The following TMC2 variants were observed in gnomAD, a reference collection of about 807,000 sequenced individuals.
The protein encoded by TMC2 is transmembrane channel like 2.
A neutral mutation model predicts 105.9 loss-of-function variants in TMC2; 102 were observed. The ratio of observed to expected loss-of-function variants is 0.96; its 90% CI spans 0.82 to 1.14. The LOEUF (loss-of-function observed/expected upper bound fraction) is 1.14. Among genes scored for constraint, TMC2 ranks in the 50% most tolerant of loss-of-function variants. TMC2 has a pLI of 0.00. For missense variants in TMC2, 1,093 were observed against 1,134.3 expected (o/e 0.96, Z 0.52); for synonymous variants, 402 against 422.8 (o/e 0.95, Z 0.60).
At chr20:2,587,247 T>C (rs2086237696) in intron 7 of TMC2, among the ~76,000 whole-genome samples, 1 of 152,192 alleles carries the variant, frequency 6.6e-6, no homozygotes, top group Admixed American at 6.5e-5. Flanking sequence ...TATTTTTGTT[T>C]TATATATGTT....
intron 12 of TMC2, among the ~76,000 whole-genome samples, 177 bp downstream of exon 12, chr20:2,610,775 C>T (rs931772405): frequency 1.3e-4 from 19 of 151,518 alleles, no homozygotes; most frequent in Non-Finnish European, 4.4e-5. Flanking sequence ...CCATTGTTAA[C>T]CTTTTCCTAT....
At position 2,596,956 on chromosome 20, in the gene TMC2, T is replaced by C. The variant is rs183190412; in HGVS notation, c.1077-195T>C. Among the ~76,000 whole-genome samples, 3 of 152,256 alleles carry C rather than the reference T, an allele frequency of 2.0e-5. No homozygotes were observed. In the South Asian group the frequency reaches 6.2e-4, roughly 31 times the overall value. ...TACCATGTGTGCTTTCAGGGGACTC[T>C]GAATTTGGGGGGAAGGGTGTCCTGG... On this transcript the variant is annotated intron_variant, in intron 9 of 19. Coordinates refer to ENST00000358864, the MANE Select transcript of TMC2 (RefSeq NM_080751.3).
chr20:2,640,822 G>T (rs1244514252), intron 19 of TMC2, among the ~76,000 whole-genome samples: 2 of 152,006 alleles, frequency 1.3e-5, no homozygotes, highest in Admixed American at 6.6e-5. Context: ...TTTTGACCCC[G>T]GCAGTCACCC....
intron 2 of TMC2, among the ~76,000 whole-genome samples, chr20:2,554,646 A>T (rs1262510551): frequency 6.6e-6 from 1 of 152,180 alleles, no homozygotes; most frequent in East Asian, 1.9e-4. Flanking sequence ...TTTCATTTAA[A>T]TGTAGTCCAA....
chr20:2,614,817 A>G (rs2086468189), intron 14 of TMC2, among the ~76,000 whole-genome samples: 1 of 151,836 alleles, frequency 6.6e-6, no homozygotes, highest in Non-Finnish European at 1.5e-5. Context: ...ATATATATAA[A>G]TTATATAAAA....
At position 2,627,834 on chromosome 20, in the gene TMC2, A is replaced by G. The variant is rs892999542; in HGVS notation, c.2306+3438A>G. Among the ~76,000 whole-genome samples, 50 of 152,300 alleles carry G rather than the reference A, an allele frequency of 3.3e-4. 1 individual carries two copies. The highest frequency in any genetic ancestry group is 1.1e-3 in the African/African-American group (45 of 41,550). The stretch of plus-strand genomic sequence containing the variant: ...CCACAGAGGCAGGCTCCCTAGCACC[A>G]AAACAACAACAAAAATAATCTGTGA... On this transcript the variant is annotated intron_variant, in intron 17 of 19. Transcript: ENST00000358864.
At chr20:2,637,005 C>T (rs1309873463) in intron 18 of TMC2, among the ~76,000 whole-genome samples, 1 of 152,190 alleles carries the variant, frequency 6.6e-6, no homozygotes, top group Non-Finnish European at 1.5e-5. Flanking sequence ...CCACATGTTC[C>T]TTCAATTGCT....
intron 2 of TMC2, among the ~76,000 whole-genome samples, chr20:2,549,478 T>C (rs775548656): frequency 5.9e-5 from 9 of 152,184 alleles, no homozygotes; most frequent in South Asian, 2.1e-4. Flanking sequence ...CATGGTTGCT[T>C]ACGTCTGTAA....
At chr20:2,550,955 G>A (rs554283138) in intron 2 of TMC2, among the ~76,000 whole-genome samples, 2 of 152,146 alleles carry the variant, frequency 1.3e-5, no homozygotes, top group African/African-American at 4.8e-5. Flanking sequence ...TTGTGTGCAG[G>A]CTTTTGTTTT....
At chr20:2,622,201 A>G (rs1413312308) in intron 16 of TMC2, among the ~76,000 whole-genome samples, 2 of 152,230 alleles carry the variant, frequency 1.3e-5, no homozygotes, top group African/African-American at 2.4e-5. Flanking sequence ...CCCTGTCATT[A>G]TAGCACAAAA....
At chr20:2,542,414 G>T (rs2085895828) in intron 2 of TMC2, among the ~76,000 whole-genome samples, 2 of 152,296 alleles carry the variant, frequency 1.3e-5, no homozygotes, top group Middle Eastern at 3.4e-3. Context: ...CAGGTGCTAA[G>T]AGTTGTCTCT....
chr20:2,598,627 C>G (rs200062349), intron 10 of TMC2, among the ~76,000 whole-genome samples: 1 of 151,838 alleles, frequency 6.6e-6, no homozygotes, highest in Non-Finnish European at 1.5e-5. Flanking sequence ...AGGCCAGTCT[C>G]AAACTCCTGA....
intron 8 of TMC2, among the ~76,000 whole-genome samples, chr20:2,593,207 A>C (rs1034651952): frequency 1.3e-5 from 2 of 152,024 alleles, no homozygotes; most frequent in Non-Finnish European, 2.9e-5. Context: ...GAACAACCAG[A>C]TCTCACCAGA....
At chr20:2,554,577 T>C (rs2085975165) in intron 2 of TMC2, among the ~76,000 whole-genome samples, 1 of 152,266 alleles carries the variant, frequency 6.6e-6, no homozygotes, top group Non-Finnish European at 1.5e-5. Context: ...CATTCAATGC[T>C]ATGAGTTTCT....
At chr20:2,588,058 C>A (rs2086243093) in intron 7 of TMC2, among the ~76,000 whole-genome samples, 1 of 150,634 alleles carries the variant, frequency 6.6e-6, no homozygotes, top group Non-Finnish European at 1.5e-5. Context: ...TGAGGTATCA[C>A]TCCAAGGTTA....
intron 18 of TMC2, among the ~76,000 whole-genome samples, chr20:2,636,878 T>C (rs1206360357): frequency 6.6e-6 from 1 of 152,092 alleles, no homozygotes. Flanking sequence ...CCCAAAGTGC[T>C]GGGATTATAG....
At chr20:2,621,955 A>G (rs1356016948) in intron 16 of TMC2, among the ~76,000 whole-genome samples, 1 of 152,202 alleles carries the variant, frequency 6.6e-6, no homozygotes, top group African/African-American at 2.4e-5. Flanking sequence ...AATAATCTAC[A>G]TTCAACTGTC....
At chr20:2,562,533 C>T (rs1328555261) in intron 4 of TMC2, among the ~76,000 whole-genome samples, 1 of 152,246 alleles carries the variant, frequency 6.6e-6, no homozygotes, top group Admixed American at 6.5e-5. Flanking sequence ...ATGAATATCA[C>T]TCTGTGAATG....
In TMC2 at chr20:2,576,913, G is replaced by T. The variant is rs150984938; in HGVS notation, c.646-2233G>T. On this transcript the variant is annotated intron_variant, in intron 5 of 19. Coordinates refer to ENST00000358864, the MANE Select transcript of TMC2 (RefSeq NM_080751.3). ...GGTTTCTTCTTGGTTTTTTTTTTTT[G>T]TTTTTTTTTTTTTGAGATGGAGTCT... Among the ~76,000 whole-genome samples, 979 of 106,040 alleles carry T rather than the reference G, an allele frequency of 9.2e-3. 8 individuals are homozygous for T. Among genetic ancestry groups the T allele is most frequent in the East Asian group, 0.018 (76 of 4,210 alleles). 69.6% of individuals were successfully genotyped at this position (106,040 alleles called of 152,430 possible).
Sources: gnomAD v4.1 joint callset for allele counts (sites outside exome capture counted in the v4.1 genomes callset) on GRCh38, gnomAD v4.1.1 for gene constraint, MANE v1.5 for transcripts, NCBI Gene and HGNC (gene_info 2026-07-23, HGNC 2026-07-21) for gene names.